The following IGF1R variants were observed in gnomAD, a reference collection of about 807,000 sequenced individuals.
IGF1R encodes insulin like growth factor 1 receptor.
A neutral mutation model predicts 144.6 loss-of-function variants in IGF1R; 44 were observed. The observed-to-expected ratio is 0.30, with a 90% CI of 0.24 to 0.39. IGF1R has a LOEUF of 0.39. Among genes scored for constraint, IGF1R ranks in the 10% least tolerant of loss-of-function variants. The pLI, the probability that IGF1R is intolerant of heterozygous loss-of-function variation, is 1.00. For synonymous variants in IGF1R, 795 were observed against 722.8 expected, an observed-to-expected ratio of 1.10 and a Z score of -1.60; for missense variants, 1,355 against 1,833.7, an observed-to-expected ratio of 0.74 and a Z score of 4.77.
At chr15:98,932,296 C>T (rs2015974487) in intron 15 of IGF1R, among the ~76,000 whole-genome samples, 1 of 152,150 alleles carries the variant, frequency 6.6e-6, no homozygotes. Context: ...CCAGTTTCCT[C>T]GAGGGGCAAC....
intron 2 of IGF1R, among the ~76,000 whole-genome samples, chr15:98,721,565 C>G (rs1435713107): frequency 1.3e-5 from 2 of 152,032 alleles, no homozygotes; most frequent in Non-Finnish European, 2.9e-5. Context: ...GCATCTTGGA[C>G]CAGAGTGAGA....
At chr15:98,658,070 G>A (rs1257625013) in intron 1 of IGF1R, among the ~76,000 whole-genome samples, 1 of 152,156 alleles carries the variant, frequency 6.6e-6, no homozygotes, top group South Asian at 2.1e-4. Flanking sequence ...AGGGTCCTTA[G>A]AATCAAGTAA....
At position 98,649,552 on chromosome 15, in the gene IGF1R, G is replaced by GT; in HGVS notation, c.-30_-29insT. On this transcript the variant is annotated 5_prime_UTR_variant, in exon 1 of 21. Transcript: ENST00000650285. ...TTTTTTTTTTTTTTTTTTTTTTTGA[G>GT]AAAGGGGAATTTCATCCCAAATAAA... 1.4e-6 allele frequency: 1 copy of GT among 713,990 alleles called. No individual in the cohort carries two copies. The highest frequency in any genetic ancestry group is 2.2e-6 in the Non-Finnish European group (1 of 453,386). The allele number at this position is 713,990 out of a possible 1,614,324, so 44.2% of individuals were successfully genotyped here. A position where few individuals can be genotyped will look rare whatever the true frequency, so the allele number is the denominator to read the frequency against.
chr15:98,701,486 G>A (rs535474842), intron 1 of IGF1R, among the ~76,000 whole-genome samples: 24 of 151,842 alleles, frequency 1.6e-4, no homozygotes, highest in South Asian at 6.3e-4. Context: ...ACAGGTGCCC[G>A]CCACCACACC....
At chr15:98,944,728 GTGCACC>G (rs1438162084) in intron 19 of IGF1R, among the ~76,000 whole-genome samples, 1 of 152,254 alleles carries the variant, frequency 6.6e-6, no homozygotes, top group East Asian at 1.9e-4. Context: ...CCAGTCCCCA[GTGCACC>G]TGCAGATCTT....
chr15:98,865,826 G>A (rs1177063374), intron 2 of IGF1R, among the ~76,000 whole-genome samples: 3 of 152,112 alleles, frequency 2.0e-5, no homozygotes, highest in Admixed American at 2.0e-4. Flanking sequence ...TTTTATGTTG[G>A]AAGGAAATCA....
chr15:98,877,635 G>A (rs1183352726), intron 2 of IGF1R, among the ~76,000 whole-genome samples: 1 of 151,810 alleles, frequency 6.6e-6, no homozygotes, highest in South Asian at 2.1e-4. Flanking sequence ...GAATAGGTGT[G>A]TATCCTCCTA....
At chr15:98,917,846 G>T (rs2015317515) in intron 10 of IGF1R, among the ~76,000 whole-genome samples, 1 of 152,120 alleles carries the variant, frequency 6.6e-6, no homozygotes, top group South Asian at 2.1e-4. Flanking sequence ...GTGTGGAGGG[G>T]AATGGGAATT....
chr15:98,773,845 C>T (rs189778919), intron 2 of IGF1R, among the ~76,000 whole-genome samples: 3 of 152,120 alleles, frequency 2.0e-5, no homozygotes, highest in Non-Finnish European at 2.9e-5. Flanking sequence ...TCTTGTGATC[C>T]GGGGGGAAGC....
chr15:98,868,767 G>A (rs896040242), intron 2 of IGF1R, among the ~76,000 whole-genome samples: 2 of 152,162 alleles, frequency 1.3e-5, no homozygotes, highest in South Asian at 2.1e-4. Context: ...ATCTGACAGC[G>A]TATGCCAAGC....
In IGF1R at chr15:98,956,960, C is replaced by T. The variant is rs560515958; in HGVS notation, c.3723-101C>T. ...GCAGGGCTGTGTTCAGTGCTCCCGC[C>T]GTACGCTTGTATGCGGGAAACCACT... On this transcript the variant is annotated intron_variant, in intron 20 of 20. Transcript: ENST00000650285. 102 of 1,316,274 alleles carry T rather than the reference C, an allele frequency of 7.7e-5. 1 individual carries two copies. The South Asian group carries it at 7.9e-4, about 10-fold the overall frequency. The allele number at this position is 1,316,274 out of a possible 1,614,324, so 81.5% of individuals were successfully genotyped here.
At chr15:98,792,049 G>A (rs2056139664) in intron 2 of IGF1R, among the ~76,000 whole-genome samples, 1 of 152,148 alleles carries the variant, frequency 6.6e-6, no homozygotes, top group Non-Finnish European at 1.5e-5. Context: ...CTAGTTAAGA[G>A]AAAAATCTTT....
rs539914803 is a variant in IGF1R at position 98,868,712 on chromosome 15, A to G, written c.641-22613A>G. ...TGTGCCTCAGGCTCTGGTTCTGAAG[A>G]TGGGAACGGCAGGCCCTCCCTCTTT... On this transcript the variant is annotated intron_variant, in intron 2 of 20. Coordinates refer to ENST00000650285, the MANE Select transcript of IGF1R (RefSeq NM_000875.5). Among the ~76,000 whole-genome samples, 14 of 152,252 alleles carry G rather than the reference A, an allele frequency of 9.2e-5. No homozygotes were observed. The East Asian group carries it at 2.5e-3, about 27-fold the overall frequency.
intron 2 of IGF1R, among the ~76,000 whole-genome samples, chr15:98,793,722 C>A (rs2056177451): frequency 6.6e-6 from 1 of 152,062 alleles, no homozygotes; most frequent in Admixed American, 6.6e-5. Flanking sequence ...GCCTCAAATC[C>A]CTTTCACTGT....
intron 1 of IGF1R, among the ~76,000 whole-genome samples, chr15:98,660,859 C>G (rs935388523): frequency 6.6e-6 from 1 of 152,134 alleles, no homozygotes; most frequent in Non-Finnish European, 1.5e-5. Flanking sequence ...CTGTAGTGTG[C>G]TTTTAAACCC....
chr15:98,833,237 C>T (rs530326252), intron 2 of IGF1R, among the ~76,000 whole-genome samples: 3 of 152,202 alleles, frequency 2.0e-5, no homozygotes, highest in Admixed American at 1.3e-4. Flanking sequence ...CTTTCCCCAT[C>T]TGCCAAACAA....
At chr15:98,898,018 G>A (rs928594107) in intron 4 of IGF1R, among the ~76,000 whole-genome samples, 5 of 151,800 alleles carry the variant, frequency 3.3e-5, no homozygotes, top group African/African-American at 9.7e-5. Flanking sequence ...GTATTCTTAA[G>A]GTTTAGAAAG....
At chr15:98,783,039 C>T (rs142882482) in intron 2 of IGF1R, among the ~76,000 whole-genome samples, 1,709 of 152,204 alleles carry the variant, frequency 0.011, 11 homozygotes, top group Middle Eastern at 0.041. Context: ...CTGTGATTTG[C>T]GAGAAGCTCT....
chr15:98,878,097 C>A (rs535159786), intron 2 of IGF1R, among the ~76,000 whole-genome samples: 1 of 152,348 alleles, frequency 6.6e-6, no homozygotes, highest in Admixed American at 6.5e-5. Context: ...AGCATTGATA[C>A]CTTGGTCAAC....
Sources: allele counts gnomAD v4.1 joint callset (sites outside exome capture counted in the v4.1 genomes callset), GRCh38; gene constraint gnomAD v4.1.1; transcripts MANE v1.5; gene names NCBI Gene and HGNC (gene_info 2026-07-23, HGNC 2026-07-21).